The following NPHS2 variants were observed in gnomAD, a reference collection of about 807,000 sequenced individuals.
NPHS2 encodes the protein NPHS2 stomatin family member, podocin, also known as podocin.
A neutral mutation model predicts 37.1 loss-of-function variants in NPHS2; 36 were observed. The observed-to-expected ratio is 0.97, with a 90% CI of 0.74 to 1.28. NPHS2 has a LOEUF of 1.28. Among genes scored for constraint, NPHS2 ranks in the 50% most tolerant of loss-of-function variants. The pLI is 0.00. For missense variants in NPHS2, 447 were observed against 488.1 expected (o/e 0.92, Z 0.79); for synonymous variants, 196 against 189.3 (o/e 1.04, Z -0.29).
At chr1:179,553,821 C>T (rs1206739119) in intron 6 of NPHS2, among the ~76,000 whole-genome samples, 1 of 152,142 alleles carries the variant, frequency 6.6e-6, no homozygotes, top group Non-Finnish European at 1.5e-5. Flanking sequence ...TCTCGACTCA[C>T]TGCAGCCTCC....
At chr1:179,553,620 A>G (rs1673632797) in intron 6 of NPHS2, among the ~76,000 whole-genome samples, 1 of 152,240 alleles carries the variant, frequency 6.6e-6, no homozygotes, top group African/African-American at 2.4e-5. Flanking sequence ...GGGGATTCCC[A>G]CTTAACAAGT....
chr1:179,558,479 G>A (rs997988636), intron 4 of NPHS2, among the ~76,000 whole-genome samples: 1 of 152,024 alleles, frequency 6.6e-6, no homozygotes, highest in Non-Finnish European at 1.5e-5. Context: ...TATCTCTTCA[G>A]TCATCAGTAG....
At position 179,552,225 on chromosome 1, in the gene NPHS2, G is replaced by A. The variant is rs1294075077; in HGVS notation, c.873+378C>T. 4 of 271,072 alleles carry A rather than the reference G, an allele frequency of 1.5e-5. No individual in the cohort carries two copies. In the East Asian group the frequency reaches 3.5e-4, roughly 23 times the overall value. The allele number at this position is 271,072 out of a possible 1,614,324, so 16.8% of individuals were successfully genotyped here. ...GATCGTGGTTGTCCCTCTAAAACTT[G>A]TGCCAAGCTTGGGATACAGTTCTAG... On this transcript the variant is annotated intron_variant, in intron 7 of 7. Coordinates refer to ENST00000367615, the MANE Select transcript of NPHS2 (RefSeq NM_014625.4).
In NPHS2 at chr1:179,575,778, G is replaced by C. The variant is rs12123397; in HGVS notation, c.87C>G (p.Ala29=). The C allele has an allele frequency of 5.6e-3, 8,343 of 1,497,754 alleles. 35 individuals carry two copies. Among genetic ancestry groups the C allele is most frequent in the South Asian group, 7.7e-3 (599 of 78,244 alleles). The allele number at this position is 1,497,754 out of a possible 1,614,324, so 92.8% of individuals were successfully genotyped here. A position where few individuals can be genotyped will look rare whatever the true frequency, so the allele number is the denominator to read the frequency against. ...GCCCGCGGCCTCCGCCGCTCCTCTC[G>C]GCCTTTGCCCTCTTGTTCTCCTTGT... ...TPHKENKRAK[A]ERSGGGRGRQ... The change falls in exon 1 of 8, where the codon GCC becomes GCG. Residue 29 remains alanine (A), a synonymous_variant. Coordinates refer to ENST00000367615, the MANE Select transcript of NPHS2 (RefSeq NM_014625.4).
intron 3 of NPHS2, among the ~76,000 whole-genome samples, chr1:179,561,055 C>G (rs2125787526): frequency 6.6e-6 from 1 of 152,364 alleles, no homozygotes; most frequent in South Asian, 2.1e-4. Context: ...TCCAGCAAGC[C>G]TTGCCCTGGC....
At position 179,554,497 on chromosome 1, in the gene NPHS2, A is replaced by T; in HGVS notation, c.773T>A (p.Ile258Asn). The T allele has an allele frequency of 6.2e-7, 1 of 1,614,148 alleles. No individual in the cohort carries two copies. The highest frequency in any genetic ancestry group is 8.5e-7 in the Non-Finnish European group (1 of 1,180,012). Reference protein sequence around the residue: ...ALDSVTCIWGIKVERIEIKDV... With the variant: ...ALDSVTCIWGNKVERIEIKDV... ...CCACATTTCTATTCTCTCCACTTTGATTCCCCAAATACAGGTCACTGAATC... is the reference window on the plus strand; with the variant it reads ...CCACATTTCTATTCTCTCCACTTTGTTTCCCCAAATACAGGTCACTGAATC... The change falls in exon 6 of 8, where the codon ATC becomes AAC. Residue 258 changes from isoleucine (I) to asparagine (N), a missense_variant. Transcript: ENST00000367615.
intron 1 of NPHS2, among the ~76,000 whole-genome samples, chr1:179,569,460 A>C (rs1265155459): frequency 6.6e-6 from 1 of 152,096 alleles, no homozygotes; most frequent in African/African-American, 2.4e-5. Context: ...TGGGTCTCTG[A>C]ATACAGCACA....
At chr1:179,566,967 G>C (rs909360001) in intron 1 of NPHS2, among the ~76,000 whole-genome samples, 24 of 151,696 alleles carry the variant, frequency 1.6e-4, no homozygotes, top group African/African-American at 5.8e-4. Context: ...GGTTACTGTA[G>C]CCTTGTAGTA....
intron 6 of NPHS2, 94 bp from the exon 7 acceptor site, chr1:179,552,775 C>T (rs1218019214): frequency 1.1e-6 from 1 of 944,032 alleles, no homozygotes; most frequent in African/African-American, 1.6e-5. Flanking sequence ...ACTGCTGTCT[C>T]ATGATGAGTA....
intron 3 of NPHS2, 40 bp downstream of exon 3, chr1:179,561,249 C>A (rs1674123414): frequency 6.9e-7 from 1 of 1,446,384 alleles, no homozygotes; most frequent in South Asian, 1.1e-5. Flanking sequence ...ATTGGCAAGT[C>A]AGGAGAGAGG....
At chr1:179,562,331 G>C (rs1674173379) in intron 2 of NPHS2, among the ~76,000 whole-genome samples, 1 of 152,046 alleles carries the variant, frequency 6.6e-6, no homozygotes, top group African/African-American at 2.4e-5. Flanking sequence ...GATTTAACTT[G>C]GTCTGCTTAT....
intron 6 of NPHS2, among the ~76,000 whole-genome samples, chr1:179,553,205 C>A (rs61826365): frequency 6.6e-6 from 1 of 152,058 alleles, no homozygotes; most frequent in Non-Finnish European, 1.5e-5. Context: ...TTAGCTGCCC[C>A]TCAAAAAGTT....
At chr1:179,568,897 T>C (rs1674436558) in intron 1 of NPHS2, among the ~76,000 whole-genome samples, 5 of 152,238 alleles carry the variant, frequency 3.3e-5, no homozygotes, top group Admixed American at 3.3e-4. Context: ...CTAATTTGAT[T>C]GCACTGTGGT....
chr1:179,570,249 C>A (rs1221806033), intron 1 of NPHS2, among the ~76,000 whole-genome samples: 1 of 152,170 alleles, frequency 6.6e-6, no homozygotes, highest in African/African-American at 2.4e-5. Flanking sequence ...AAGACACACA[C>A]ACAGAAATAT....
intron 1 of NPHS2, among the ~76,000 whole-genome samples, chr1:179,569,891 A>G (rs905411750): frequency 6.6e-6 from 1 of 152,232 alleles, no homozygotes; most frequent in Non-Finnish European, 1.5e-5. Context: ...TCTAGCTTAT[A>G]GGATTTCTGC....
chr1:179,575,466 G>A, intron 1 of NPHS2, 125 bp downstream of exon 1: 1 of 1,336,738 alleles, frequency 7.5e-7, no homozygotes, highest in South Asian at 1.2e-5. Context: ...CCGTTCCTGG[G>A]AACCTGAGCA....
chr1:179,555,058 A>G (rs918323760), intron 5 of NPHS2, among the ~76,000 whole-genome samples: 2 of 152,160 alleles, frequency 1.3e-5, no homozygotes, highest in African/African-American at 4.8e-5. Flanking sequence ...TGGAAAAGGC[A>G]AGGAAACGGA....
intron 1 of NPHS2, among the ~76,000 whole-genome samples, chr1:179,572,541 A>G (rs1367622760): frequency 2.0e-5 from 3 of 152,204 alleles, no homozygotes; most frequent in African/African-American, 7.2e-5. Flanking sequence ...CTGGCACCAT[A>G]CATGTGCTCA....
intron 2 of NPHS2, among the ~76,000 whole-genome samples, chr1:179,561,924 G>A (rs557406174): frequency 2.0e-4 from 30 of 152,112 alleles, no homozygotes; most frequent in Admixed American, 5.2e-4. Context: ...TCCTGCCTCA[G>A]CCTCCCAAGT....
Sources: allele counts gnomAD v4.1 joint callset (sites outside exome capture counted in the v4.1 genomes callset), GRCh38; gene constraint gnomAD v4.1.1; transcripts MANE v1.5; gene names NCBI Gene and HGNC (gene_info 2026-07-23, HGNC 2026-07-21).